MTCL2: variants seen among roughly 807,000 people sequenced by gnomAD.
MTCL2 encodes the protein microtubule crosslinking factor 2.
the MTCL2 span, among the ~76,000 whole-genome samples, chr20:36,832,485 T>C: frequency 6.6e-6 from 1 of 152,176 alleles, no homozygotes; most frequent in Non-Finnish European, 1.5e-5. Flanking sequence ...TTCTGCCCCA[T>C]TCTCCATGGA....
the MTCL2 span, chr20:36,797,536 G>T: frequency 6.4e-7 from 1 of 1,556,752 alleles, no homozygotes; most frequent in Non-Finnish European, 8.7e-7. Context: ...CTCCAGCTCC[G>T]AGTGCTTCAG....
the MTCL2 span, chr20:36,777,965 A>C: frequency 5.3e-6 from 3 of 563,622 alleles, no homozygotes; most frequent in Non-Finnish European, 9.5e-6. Flanking sequence ...CAGTTTGAAG[A>C]GGCGCTATCT....
At chr20:36,792,547 A>G in the MTCL2 span, among the ~76,000 whole-genome samples, 2 of 151,150 alleles carry the variant, frequency 1.3e-5, no homozygotes, top group Admixed American at 1.3e-4. Flanking sequence ...ACCCACAGAG[A>G]TGCTGACAAT....
chr20:36,842,277 T>A, the MTCL2 span, among the ~76,000 whole-genome samples: 2 of 152,198 alleles, frequency 1.3e-5, no homozygotes, highest in Non-Finnish European at 2.9e-5. Context: ...CATGCATGTT[T>A]AGTCAGGTCA....
the MTCL2 span, chr20:36,796,847 C>T: frequency 1.3e-5 from 21 of 1,611,118 alleles, no homozygotes; most frequent in Non-Finnish European, 1.8e-5. Context: ...TGGGGCCGGT[C>T]AGAGAGGCAG....
the MTCL2 span, among the ~76,000 whole-genome samples, chr20:36,821,301 C>A: frequency 6.6e-6 from 1 of 152,156 alleles, no homozygotes; most frequent in East Asian, 1.9e-4. Context: ...GTGGGTGGAT[C>A]ACCTGAGGTC....
chr20:36,823,006 G>A, the MTCL2 span, among the ~76,000 whole-genome samples: 1 of 152,158 alleles, frequency 6.6e-6, no homozygotes, highest in Non-Finnish European at 1.5e-5. Flanking sequence ...TGATCCACCC[G>A]CCTTGACCTC....
the MTCL2 span, among the ~76,000 whole-genome samples, chr20:36,816,702 T>A: frequency 6.6e-6 from 1 of 152,166 alleles, no homozygotes. Flanking sequence ...TTGCTGCATA[T>A]AGTACTTCAT....
the MTCL2 span, chr20:36,812,573 G>T: frequency 4.1e-6 from 5 of 1,225,918 alleles, no homozygotes; most frequent in African/African-American, 3.0e-5. Flanking sequence ...CTGCCAAGAA[G>T]CCTGGAACCA....
chr20:36,847,759 C>A, the MTCL2 span, among the ~76,000 whole-genome samples: 1 of 148,822 alleles, frequency 6.7e-6, no homozygotes, highest in African/African-American at 2.5e-5. Context: ...GAGGCTGCAA[C>A]AGGAGGATCA....
At chr20:36,863,022 C>T in the MTCL2 span, 1 of 1,398,712 alleles carries the variant, frequency 7.1e-7, no homozygotes, top group Non-Finnish European at 9.3e-7. The surrounding 1 kb of genome is among the most constrained non-coding windows in gnomAD (Gnocchi z 6.2). Flanking sequence ...CGGTGGCGGT[C>T]GCGGCCCCGC....
At chr20:36,782,435 T>C in the MTCL2 span, 1 of 152,264 alleles carries the variant, frequency 6.6e-6, no homozygotes, top group African/African-American at 2.4e-5. Flanking sequence ...ATGAGACCTG[T>C]ACCTCAGTTT....
At chr20:36,804,013 G>T in the MTCL2 span, among the ~76,000 whole-genome samples, 1 of 151,612 alleles carries the variant, frequency 6.6e-6, no homozygotes, top group Non-Finnish European at 1.5e-5. Context: ...GGAGCCAGGG[G>T]TTAGAGGTTT....
chr20:36,815,136 G>A, the MTCL2 span: 1 of 1,591,284 alleles, frequency 6.3e-7, no homozygotes, highest in African/African-American at 1.4e-5. The surrounding 1 kb of genome is among the most constrained non-coding windows in gnomAD (Gnocchi z 5.3). Context: ...CTGAAAGTCT[G>A]AGCCAAGGTC....
the MTCL2 span, chr20:36,783,642 G>C: frequency 2.5e-6 from 1 of 396,664 alleles, no homozygotes; most frequent in South Asian, 1.1e-4. Context: ...GGGAGAACGG[G>C]TTCGAGAAGG....
the MTCL2 span, among the ~76,000 whole-genome samples, chr20:36,827,948 C>T: frequency 6.6e-6 from 1 of 152,220 alleles, no homozygotes; most frequent in South Asian, 2.1e-4. Flanking sequence ...GCAGCAAACG[C>T]CTCCTCTCCC....
chr20:36,810,717 C>CCTCTCCCT, the MTCL2 span, among the ~76,000 whole-genome samples: 6 of 94,268 alleles, frequency 6.4e-5, no homozygotes, highest in East Asian at 1.9e-3. Context: ...TCTCTCTCTC[C>CCTCTCCCT]CTCTCTCTCT....
the MTCL2 span, chr20:36,797,714 T>A: frequency 1.4e-6 from 1 of 723,772 alleles, no homozygotes; most frequent in Non-Finnish European, 2.3e-6. Context: ...TCTCAGTGGG[T>A]AGCAGCTCAG....
the MTCL2 span, chr20:36,796,997 G>A: frequency 1.7e-5 from 27 of 1,569,862 alleles, no homozygotes; most frequent in East Asian, 2.2e-5. Context: ...GGCCACCAGA[G>A]CACTAAGGGC....
Sources: allele counts gnomAD v4.1 joint callset (sites outside exome capture counted in the v4.1 genomes callset), GRCh38; gene constraint gnomAD v4.1.1; non-coding constraint Gnocchi (gnomAD v3.1); transcripts MANE v1.5; gene names NCBI Gene and HGNC (gene_info 2026-07-23, HGNC 2026-07-21).